Variants in NSMCE4A observed in about 807,000 individuals in gnomAD.
The protein encoded by NSMCE4A is non-structural maintenance of chromosomes element 4 homolog A.
In NSMCE4A, 40 loss-of-function variants were observed where a neutral mutation model predicts 47.9. The ratio of observed to expected loss-of-function variants is 0.83; its 90% CI spans 0.65 to 1.09. The LOEUF (loss-of-function observed/expected upper bound fraction) is 1.09, where lower values mean the gene tolerates loss of function less well. Ranked by LOEUF, NSMCE4A falls within the 50% of genes least tolerant of loss-of-function variation. NSMCE4A has a pLI of 0.00. For missense variants in NSMCE4A, 500 were observed against 507.0 expected (o/e 0.99, Z 0.13); for synonymous variants, 166 against 178.5 (o/e 0.93, Z 0.56).
rs373759999 is a variant in NSMCE4A, at chr10:121,963,293, T to A, written c.789A>T (p.Thr263=). 18 of 1,611,688 alleles carry A rather than the reference T, an allele frequency of 1.1e-5. No homozygotes were observed. The highest frequency in any genetic ancestry group is 1.5e-5 in the Non-Finnish European group (18 of 1,178,502). Residue 263 remains threonine (T), a synonymous_variant, in exon 6 of 11, where the codon ACA becomes ACT. Transcript: ENST00000369023. ...CCAAGATTCTTTCTACTTCTTTCTC[T>A]GTTGCTTCTTGATGAGATTCTTCCA... ...RRMEESHQEA[T]EKEVERILGL... is the part of the protein sequence containing the mutation.
intron 2 of NSMCE4A, among the ~76,000 whole-genome samples, chr10:121,973,797 G>C (rs1952763489): frequency 6.6e-6 from 1 of 152,154 alleles, no homozygotes; most frequent in South Asian, 2.1e-4. Context: ...ACAGACTGCG[G>C]AACCTACCCC....
intron 10 of NSMCE4A, among the ~76,000 whole-genome samples, chr10:121,958,097 A>G (rs1390169411): frequency 6.6e-6 from 1 of 152,036 alleles, no homozygotes; most frequent in African/African-American, 2.4e-5. Flanking sequence ...TCACTGTGGC[A>G]GGTGCCTATA....
chr10:121,960,119 G>A lies in NSMCE4A; in HGVS notation c.988+239C>T. On this transcript the variant is annotated intron_variant, in intron 8 of 10. Coordinates refer to ENST00000369023, the MANE Select transcript of NSMCE4A (RefSeq NM_017615.3). This position sits in a 1 kb window ranked among gnomAD's most constrained non-coding sequence, Gnocchi z 4.2. ...CCAACTTTCTAAATTAAGATCTGAG[G>A]GAAATTATATCATTTCTTTGTTAAT... The A allele has an allele frequency of 2.8e-6, 1 of 356,846 alleles. No individual in the cohort carries two copies. Among genetic ancestry groups the A allele is most frequent in the Non-Finnish European group, 5.0e-6 (1 of 201,056 alleles). 22.1% of individuals were successfully genotyped at this position (356,846 alleles called of 1,614,324 possible). A position where few individuals can be genotyped will look rare whatever the true frequency, so the allele number is the denominator to read the frequency against.
At chr10:121,967,281 C>T (rs1239481661) in intron 4 of NSMCE4A, 1 of 168,424 alleles carries the variant, frequency 5.9e-6, no homozygotes, top group African/African-American at 2.4e-5. Context: ...ACTGCAATCT[C>T]TGCCTCCCAG....
Position 121,959,670 on chromosome 10 carries a change from G to A in NSMCE4A, c.989-75C>T, listed in dbSNP as rs1440323987. 6 of 945,702 alleles carry A rather than the reference G, an allele frequency of 6.3e-6. No individual in the cohort carries two copies. The East Asian group carries it at 9.6e-5, about 15-fold the overall frequency. 58.6% of individuals were successfully genotyped at this position (945,702 alleles called of 1,614,324 possible). A position where few individuals can be genotyped will look rare whatever the true frequency, so the allele number is the denominator to read the frequency against. The stretch of plus-strand genomic sequence containing the variant: ...ACAGGTAATCTAAACGGAAACTGAT[G>A]AATAATAGCAATGAAACCTGTATTG... On this transcript the variant is annotated intron_variant, in intron 8 of 10. Coordinates refer to ENST00000369023, the MANE Select transcript of NSMCE4A (RefSeq NM_017615.3).
chr10:121,958,599 A>G (rs762643921), intron 10 of NSMCE4A, among the ~76,000 whole-genome samples: 1 of 152,186 alleles, frequency 6.6e-6, no homozygotes. Flanking sequence ...TCACTTATCT[A>G]ATTTACCAGT....
chr10:121,967,896 G>T, intron 3 of NSMCE4A, 90 bp from the exon 4 acceptor site: 1 of 1,339,336 alleles, frequency 7.5e-7, no homozygotes. Flanking sequence ...ACCTTTAAGA[G>T]GCCAGACGCA....
At chr10:121,970,876 C>G (rs1952694891) in intron 3 of NSMCE4A, 63 bp downstream of exon 3, 1 of 1,390,962 alleles carries the variant, frequency 7.2e-7, no homozygotes, top group Non-Finnish European at 9.7e-7. Context: ...GATATGAGCA[C>G]AGTAAATAAT....
At chr10:121,957,318 T>C (rs1170478308) in intron 10 of NSMCE4A, 59 bp from the exon 11 acceptor site, 1 of 152,550 alleles carries the variant, frequency 6.6e-6, no homozygotes, top group Non-Finnish European at 1.5e-5. Context: ...AAAGTTCATA[T>C]AATATACATA....
At chr10:121,971,529 A>C (rs1211014141) in intron 2 of NSMCE4A, among the ~76,000 whole-genome samples, 1 of 139,512 alleles carries the variant, frequency 7.2e-6, no homozygotes, top group Non-Finnish European at 1.6e-5. Flanking sequence ...AAAACAAAAA[A>C]AAACTTTCTC....
At chr10:121,974,490 C>T in intron 1 of NSMCE4A, 1 of 995,200 alleles carries the variant, frequency 1.0e-6, no homozygotes. Flanking sequence ...ACAGCTCTCG[C>T]GTGCCGCTGC....
rs1007141742 is a variant in NSMCE4A at position 121,974,911 on chromosome 10, G to A, written c.255C>T (p.Ile85=). Residue 85 remains isoleucine (I), a synonymous_variant, in exon 1 of 11, where the codon ATC becomes ATT. Coordinates refer to ENST00000369023, the MANE Select transcript of NSMCE4A (RefSeq NM_017615.3). ...TGATGAGCGCCCGGTACTGATGGCG[G>A]ATCTGGCGGCACAGGCCTTGGTCGG... ...AEADQGLCRQ[I]RHQYRALINS... The A allele has an allele frequency of 7.2e-6, 11 of 1,528,430 alleles. No individual in the cohort carries two copies. Among genetic ancestry groups the A allele is most frequent in the Non-Finnish European group, 9.6e-6 (11 of 1,140,380 alleles). 94.7% of individuals were successfully genotyped at this position (1,528,430 alleles called of 1,614,324 possible).
chr10:121,965,915 T>C (rs1346479121), intron 4 of NSMCE4A: 1 of 152,490 alleles, frequency 6.6e-6, no homozygotes, highest in Non-Finnish European at 1.5e-5. Flanking sequence ...TAGATGTAAG[T>C]CTGCATCATG....
At chr10:121,969,037 G>T (rs889805518) in intron 3 of NSMCE4A, among the ~76,000 whole-genome samples, 4 of 152,180 alleles carry the variant, frequency 2.6e-5, no homozygotes, top group African/African-American at 9.7e-5. Context: ...AATTTATTTT[G>T]ATATGTTATT....
At chr10:121,957,796 C>T (rs1221459772) in intron 10 of NSMCE4A, among the ~76,000 whole-genome samples, 5 of 151,922 alleles carry the variant, frequency 3.3e-5, no homozygotes, top group African/African-American at 7.2e-5. Context: ...AATTGAAGCA[C>T]ATATTAAGTG....
In NSMCE4A at chr10:121,974,905, A is replaced by G; in HGVS notation, c.261T>C (p.His87=). 1 of 1,523,300 alleles carries G rather than the reference A, an allele frequency of 6.6e-7. No homozygotes were observed. The highest frequency in any genetic ancestry group is 8.8e-7 in the Non-Finnish European group (1 of 1,137,578). The allele number at this position is 1,523,300 out of a possible 1,614,324, so 94.4% of individuals were successfully genotyped here. A position where few individuals can be genotyped will look rare whatever the true frequency, so the allele number is the denominator to read the frequency against. The change falls in exon 1 of 11, where the codon CAT becomes CAC. Residue 87 remains histidine (H), a synonymous_variant. Transcript: ENST00000369023. ...CGGAGTTGATGAGCGCCCGGTACTGATGGCGGATCTGGCGGCACAGGCCTT... is the reference window on the plus strand; with the variant it reads ...CGGAGTTGATGAGCGCCCGGTACTGGTGGCGGATCTGGCGGCACAGGCCTT... ...ADQGLCRQIR[H]QYRALINSVQ...
intron 5 of NSMCE4A, among the ~76,000 whole-genome samples, chr10:121,963,646 TAAA>T (rs1952545270): frequency 6.8e-6 from 1 of 147,678 alleles, no homozygotes; most frequent in Non-Finnish European, 1.5e-5. Context: ...CCTGGCTAAT[TAAA>T]AAAAATTTTT....
intron 2 of NSMCE4A, among the ~76,000 whole-genome samples, chr10:121,972,822 G>A (rs1468120314): frequency 6.6e-6 from 1 of 152,176 alleles, no homozygotes; most frequent in African/African-American, 2.4e-5. Flanking sequence ...CTAAGATGGG[G>A]AATGGTAAGG....
chr10:121,961,869 G>A (rs538998965), intron 6 of NSMCE4A: 42 of 232,938 alleles, frequency 1.8e-4, no homozygotes, highest in Non-Finnish European at 3.3e-4. Context: ...TTGGGAGGCC[G>A]ATGCTGGCAG....
Sources: allele counts gnomAD v4.1 joint callset (sites outside exome capture counted in the v4.1 genomes callset), GRCh38; gene constraint gnomAD v4.1.1; non-coding constraint Gnocchi (gnomAD v3.1); transcripts MANE v1.5; gene names NCBI Gene and HGNC (gene_info 2026-07-23, HGNC 2026-07-21).